SUGCT: variants seen among roughly 807,000 people sequenced by gnomAD.
SUGCT encodes the protein succinyl-CoA:glutarate CoA-transferase.
In SUGCT, 41 loss-of-function variants were observed where a neutral mutation model predicts 55.0. The ratio of observed to expected loss-of-function variants is 0.74; its 90% CI spans 0.58 to 0.97. SUGCT has a LOEUF of 0.97. Ranked by LOEUF, SUGCT falls within the 50% of genes least tolerant of loss-of-function variation. The pLI, the probability that SUGCT is intolerant of heterozygous loss-of-function variation, is 0.00. For synonymous variants in SUGCT, 187 were observed against 200.4 expected, an observed-to-expected ratio of 0.93 and a Z score of 0.56; for missense variants, 568 against 547.8, an observed-to-expected ratio of 1.04 and a Z score of -0.37.
chr7:40,567,753 GC>G (rs1363744860), intron 12 of SUGCT, among the ~76,000 whole-genome samples: 1 of 152,200 alleles, frequency 6.6e-6, no homozygotes. Context: ...GGAGCACAGA[GC>G]CACACAATTG....
At chr7:40,777,930 G>C (rs976678582) in intron 13 of SUGCT, among the ~76,000 whole-genome samples, 1 of 152,010 alleles carries the variant, frequency 6.6e-6, no homozygotes, top group Non-Finnish European at 1.5e-5. Flanking sequence ...TTCCCAGCTG[G>C]CTTCCTCTGT....
intron 12 of SUGCT, among the ~76,000 whole-genome samples, chr7:40,556,106 A>G (rs1275295694): frequency 6.6e-6 from 1 of 152,044 alleles, no homozygotes; most frequent in Admixed American, 6.5e-5. Context: ...TGCAATACAT[A>G]TTGTTTGCCC....
At chr7:40,378,104 TG>T (rs1222665085) in intron 9 of SUGCT, among the ~76,000 whole-genome samples, 1 of 84,470 alleles carries the variant, frequency 1.2e-5, no homozygotes, top group Non-Finnish European at 2.4e-5. Context: ...GCTTCTTTGA[TG>T]TGTAGGATAT....
intron 8 of SUGCT, among the ~76,000 whole-genome samples, chr7:40,290,941 C>T (rs111396130): frequency 0.44 from 66,518 of 151,920 alleles, 15,888 homozygotes; most frequent in African/African-American, 0.63. Flanking sequence ...AAATGCAAAT[C>T]AAAACCACAA....
chr7:40,412,680 G>A (rs1198602831), intron 9 of SUGCT, among the ~76,000 whole-genome samples: 2 of 152,044 alleles, frequency 1.3e-5, no homozygotes, highest in African/African-American at 4.8e-5. Context: ...ATCTTGCCTG[G>A]ATTGATTTTC....
chr7:40,600,527 G>A (rs188017832), intron 12 of SUGCT, among the ~76,000 whole-genome samples: 6 of 152,306 alleles, frequency 3.9e-5, no homozygotes, highest in Admixed American at 3.9e-4. Context: ...CAGTTTGGGG[G>A]ATATAATTGT....
At chr7:40,898,433 G>C in the SUGCT span, among the ~76,000 whole-genome samples, 88 of 144,640 alleles carry the variant, frequency 6.1e-4, 1 homozygote, top group South Asian at 8.8e-3. Flanking sequence ...TGTAACACTC[G>C]GCAGGGCATT....
At chr7:40,457,735 A>C (rs1026018112) in intron 10 of SUGCT, among the ~76,000 whole-genome samples, 1 of 152,242 alleles carries the variant, frequency 6.6e-6, no homozygotes, top group Non-Finnish European at 1.5e-5. Flanking sequence ...TACAGAGGAC[A>C]CATGGGCATT....
At chr7:40,898,486 G>C in the SUGCT span, among the ~76,000 whole-genome samples, 7 of 91,654 alleles carry the variant, frequency 7.6e-5, no homozygotes, top group South Asian at 6.4e-4. Flanking sequence ...AGGTCGGGGG[G>C]GGGGGGGGGG....
At chr7:40,376,768 T>C (rs1182840772) in intron 9 of SUGCT, among the ~76,000 whole-genome samples, 1 of 151,336 alleles carries the variant, frequency 6.6e-6, no homozygotes, top group Non-Finnish European at 1.5e-5. Flanking sequence ...AACAGTTGCA[T>C]ACTACTCTAT....
intron 12 of SUGCT, among the ~76,000 whole-genome samples, chr7:40,732,249 G>A (rs1328192635): frequency 6.6e-6 from 1 of 152,114 alleles, no homozygotes; most frequent in African/African-American, 2.4e-5. Context: ...TGTCTGGCTG[G>A]TGACATTGCT....
At chr7:40,370,833 A>G (rs995927438) in intron 9 of SUGCT, among the ~76,000 whole-genome samples, 1 of 152,096 alleles carries the variant, frequency 6.6e-6, no homozygotes, top group Non-Finnish European at 1.5e-5. Context: ...TGCTATTTGC[A>G]TTTGTGGGAA....
At chr7:40,967,635 T>A in the SUGCT span, among the ~76,000 whole-genome samples, 1 of 151,900 alleles carries the variant, frequency 6.6e-6, no homozygotes, top group African/African-American at 2.4e-5. Context: ...TCTTTTTTTT[T>A]TTTGAGAAGG....
At chr7:40,939,173 G>A in the SUGCT span, among the ~76,000 whole-genome samples, 15 of 152,142 alleles carry the variant, frequency 9.9e-5, no homozygotes, top group East Asian at 7.7e-4. Flanking sequence ...AGCAAGTCCC[G>A]TCTTACTTGG....
chr7:40,514,639 G>T (rs1793132688), intron 12 of SUGCT, among the ~76,000 whole-genome samples: 1 of 151,086 alleles, frequency 6.6e-6, no homozygotes, highest in Non-Finnish European at 1.5e-5. Context: ...GAACCCGGGA[G>T]GCGGAGGTTG....
the SUGCT span, among the ~76,000 whole-genome samples, chr7:40,949,671 A>T: frequency 6.6e-6 from 1 of 152,192 alleles, no homozygotes; most frequent in African/African-American, 2.4e-5. Context: ...CTTTCTACAT[A>T]TGGCTAGCCA....
At chr7:40,839,591 A>G (rs1206144552) in intron 13 of SUGCT, among the ~76,000 whole-genome samples, 1 of 152,214 alleles carries the variant, frequency 6.6e-6, no homozygotes, top group Admixed American at 6.5e-5. Context: ...ATTAATGATT[A>G]TAGAACTGTT....
At chr7:40,249,266 T>G (rs1790140569) in intron 7 of SUGCT, among the ~76,000 whole-genome samples, 1 of 139,040 alleles carries the variant, frequency 7.2e-6, no homozygotes. Context: ...CATTCCAGCC[T>G]GGACAACTGA....
chr7:40,300,767 A>T (rs958745265), intron 8 of SUGCT, among the ~76,000 whole-genome samples: 1 of 152,192 alleles, frequency 6.6e-6, no homozygotes, highest in Admixed American at 6.5e-5. Flanking sequence ...TCTGTTGATG[A>T]GGAGTTCTGA....
Sources: gnomAD v4.1 joint callset for allele counts (sites outside exome capture counted in the v4.1 genomes callset) on GRCh38, gnomAD v4.1.1 for gene constraint, MANE v1.5 for transcripts, NCBI Gene and HGNC (gene_info 2026-07-23, HGNC 2026-07-21) for gene names.